The following ARHGAP42 variants were observed in gnomAD, a reference collection of about 807,000 sequenced individuals.
ARHGAP42 encodes Rho GTPase activating protein 42, also known as rho GTPase-activating protein 42.
Under a neutral mutation model 125.0 loss-of-function variants are expected in ARHGAP42, and 63 were observed. That is an observed-to-expected ratio of 0.50 (90% CI 0.41 to 0.62). The LOEUF is 0.62. Ranked by LOEUF, ARHGAP42 falls within the 20% of genes least tolerant of loss-of-function variation. The pLI is 0.00. For synonymous variants in ARHGAP42, 339 were observed against 351.0 expected (o/e 0.97, Z 0.38); for missense variants, 766 against 1,024.2 (o/e 0.75, Z 3.44).
At chr11:100,784,210 T>A (rs544160734) in intron 2 of ARHGAP42, among the ~76,000 whole-genome samples, 1 of 152,152 alleles carries the variant, frequency 6.6e-6, no homozygotes, top group African/African-American at 2.4e-5. Context: ...AGTTTGAGAT[T>A]AGAAATAGTA....
At chr11:100,941,502 A>G (rs1477652560) in intron 8 of ARHGAP42, among the ~76,000 whole-genome samples, 2 of 152,184 alleles carry the variant, frequency 1.3e-5, no homozygotes, top group Non-Finnish European at 2.9e-5. Flanking sequence ...GAGTACAAGT[A>G]TACCACTTTT....
At chr11:100,884,628 C>T (rs1003820235) in intron 4 of ARHGAP42, among the ~76,000 whole-genome samples, 12 of 152,114 alleles carry the variant, frequency 7.9e-5, no homozygotes, top group Admixed American at 5.2e-4. Context: ...AGCAGAGCTT[C>T]GTGGCACATT....
chr11:100,988,565 C>G, intron 23 of ARHGAP42, 148 bp from the exon 24 acceptor site: 1 of 578,488 alleles, frequency 1.7e-6, no homozygotes, highest in Non-Finnish European at 3.0e-6. Context: ...TGAGCATGCA[C>G]AGTTTCTGGT....
At chr11:100,926,113 T>C (rs1272531501) in intron 6 of ARHGAP42, among the ~76,000 whole-genome samples, 1 of 152,218 alleles carries the variant, frequency 6.6e-6, no homozygotes, top group Non-Finnish European at 1.5e-5. Flanking sequence ...TTATGACTCA[T>C]CTGCCTTATG....
intron 17 of ARHGAP42, among the ~76,000 whole-genome samples, chr11:100,968,172 T>C (rs1858148004): frequency 6.6e-6 from 1 of 152,242 alleles, no homozygotes; most frequent in African/African-American, 2.4e-5. Context: ...ACTTTCAACC[T>C]GTTTGTATTT....
chr11:100,925,697 C>T lies in ARHGAP42; in HGVS notation c.597+4093C>T, dbSNP rs376606566. ...AGGTTGCAGTGATACAAAATCATGGCACTGCTCTCCGGCCTAGGTGGCAGA... is the reference window on the plus strand; with the variant it reads ...AGGTTGCAGTGATACAAAATCATGGTACTGCTCTCCGGCCTAGGTGGCAGA... On this transcript the variant is annotated intron_variant, in intron 6 of 23. Coordinates refer to ENST00000298815, the MANE Select transcript of ARHGAP42 (RefSeq NM_152432.4). Among the ~76,000 whole-genome samples the T allele has an allele frequency of 2.6e-5, 4 of 152,312 alleles. No individual in the cohort carries two copies. The South Asian group carries it at 8.3e-4, about 32-fold the overall frequency.
At chr11:100,772,577 T>G (rs1863008626) in intron 2 of ARHGAP42, among the ~76,000 whole-genome samples, 1 of 152,140 alleles carries the variant, frequency 6.6e-6, no homozygotes. Flanking sequence ...CCCTCCCACA[T>G]GCATGACTTC....
chr11:100,933,756 A>C (rs1476417595), intron 7 of ARHGAP42, among the ~76,000 whole-genome samples: 1 of 152,184 alleles, frequency 6.6e-6, no homozygotes, highest in Non-Finnish European at 1.5e-5. Context: ...ACTAGAAAAG[A>C]AAATACTGGA....
Position 100,888,175 on chromosome 11 carries a change from C to T in ARHGAP42, c.385-25277C>T, listed in dbSNP as rs145257342. 1.2e-3 allele frequency among the ~76,000 whole-genome samples: 185 copies of T among 151,988 alleles called. 4 individuals are homozygous for T. The East Asian group carries it at 0.027, about 22-fold the overall frequency. On this transcript the variant is annotated intron_variant, in intron 4 of 23. Coordinates refer to ENST00000298815, the MANE Select transcript of ARHGAP42 (RefSeq NM_152432.4). ...AGGTACAGTTGATTGTGGAGCAGAA[C>T]GCCCCAAACATCAATGACAGCTTAA...
chr11:100,933,457 C>T (rs1867641513), intron 7 of ARHGAP42, among the ~76,000 whole-genome samples, 197 bp downstream of exon 7: 1 of 152,140 alleles, frequency 6.6e-6, no homozygotes, highest in African/African-American at 2.4e-5. Flanking sequence ...AGTTTATTAA[C>T]TTTTGCCTTC....
At chr11:100,934,676 A>G (rs1202879426) in intron 7 of ARHGAP42, among the ~76,000 whole-genome samples, 3 of 152,204 alleles carry the variant, frequency 2.0e-5, no homozygotes, top group Non-Finnish European at 2.9e-5. Context: ...ACTGCCAAGT[A>G]CTATATAGCC....
chr11:100,960,013 GTAGA>G, intron 13 of ARHGAP42, 68 bp downstream of exon 13: 4 of 1,351,562 alleles, frequency 3.0e-6, no homozygotes, highest in Non-Finnish European at 4.1e-6. Flanking sequence ...AACTCTCAGA[GTAGA>G]TAAATCATTG....
At chr11:100,909,407 G>A (rs1223392212) in intron 4 of ARHGAP42, among the ~76,000 whole-genome samples, 5 of 149,020 alleles carry the variant, frequency 3.4e-5, no homozygotes, top group Admixed American at 1.3e-4. Context: ...GTGCAGTGGC[G>A]CGATCTTGGC....
intron 6 of ARHGAP42, among the ~76,000 whole-genome samples, chr11:100,930,143 A>G (rs1489130275): frequency 1.3e-5 from 2 of 152,202 alleles, no homozygotes; most frequent in Non-Finnish European, 2.9e-5. Context: ...GGTTACTGTT[A>G]TTATTTTAAA....
At chr11:100,895,294 G>C (rs1866323836) in intron 4 of ARHGAP42, among the ~76,000 whole-genome samples, 1 of 152,116 alleles carries the variant, frequency 6.6e-6, no homozygotes, top group African/African-American at 2.4e-5. Flanking sequence ...TCACAGCTTA[G>C]TCTAAGATTT....
In ARHGAP42 at chr11:100,992,344, C is replaced by T. The variant is rs551002482; in HGVS notation, c.*3543C>T. 3 of 1,611,538 alleles carry T rather than the reference C, an allele frequency of 1.9e-6. No individual in the cohort carries two copies. In the East Asian group the frequency reaches 6.7e-5, roughly 36 times the overall value. Reference sequence around the variant, plus strand: ...ATCACTGCGTAGGACCCGGAAATCACATCTCCTGGTCAGGTCACGAAAAAG... The same window carrying T: ...ATCACTGCGTAGGACCCGGAAATCATATCTCCTGGTCAGGTCACGAAAAAG... On this transcript the variant is annotated 3_prime_UTR_variant, in exon 24 of 24. Transcript: ENST00000298815.
chr11:100,802,840 C>T (rs1274587014), intron 3 of ARHGAP42, among the ~76,000 whole-genome samples: 1 of 152,132 alleles, frequency 6.6e-6, no homozygotes, highest in Non-Finnish European at 1.5e-5. Context: ...TTGTCCTTTC[C>T]TCTGCCTTGA....
At chr11:100,976,513 CA>C in intron 20 of ARHGAP42, 76 bp downstream of exon 20, 1 of 1,447,916 alleles carries the variant, frequency 6.9e-7, no homozygotes, top group South Asian at 1.5e-5. Context: ...CATGGTTAAG[CA>C]GGGATAAAGT....
intron 4 of ARHGAP42, among the ~76,000 whole-genome samples, chr11:100,884,018 T>C (rs481754): frequency 0.022 from 3,309 of 152,340 alleles, 129 homozygotes; most frequent in African/African-American, 0.074. Context: ...ATTCATTTTA[T>C]GAGTCATGCT....
Sources: gnomAD v4.1 joint callset for allele counts (sites outside exome capture counted in the v4.1 genomes callset) on GRCh38, gnomAD v4.1.1 for gene constraint, MANE v1.5 for transcripts, NCBI Gene and HGNC (gene_info 2026-07-23, HGNC 2026-07-21) for gene names.